VAT1L: variants seen among roughly 807,000 people sequenced by gnomAD.
The protein encoded by VAT1L is putative NADPH-dependent quinone oxidoreductase VAT1L.
A neutral mutation model predicts 44.1 loss-of-function variants in VAT1L; 34 were observed. That is an observed-to-expected ratio of 0.77 (90% CI 0.59 to 1.03). The LOEUF is 1.03. Ranked by LOEUF, VAT1L falls within the 50% of genes least tolerant of loss-of-function variation. The pLI, the probability that VAT1L is intolerant of heterozygous loss-of-function variation, is 0.00. For synonymous variants in VAT1L, 253 were observed against 202.2 expected, an observed-to-expected ratio of 1.25 and a Z score of -2.13; for missense variants, 615 against 538.8, an observed-to-expected ratio of 1.14 and a Z score of -1.40.
At chr16:77,854,418 A>G (rs2142436083) in intron 3 of VAT1L, among the ~76,000 whole-genome samples, 1 of 152,326 alleles carries the variant, frequency 6.6e-6, no homozygotes, top group Middle Eastern at 3.4e-3. Flanking sequence ...ATCAGCCCAC[A>G]CAGTGGAGTT....
chr16:77,822,013 G>A (rs185718781), intron 2 of VAT1L, among the ~76,000 whole-genome samples: 1 of 152,364 alleles, frequency 6.6e-6, no homozygotes, highest in Admixed American at 6.5e-5. Flanking sequence ...ATGCCCATAA[G>A]GGAGACACAG....
At chr16:77,870,058 T>G (rs940755621) in intron 4 of VAT1L, among the ~76,000 whole-genome samples, 7 of 152,198 alleles carry the variant, frequency 4.6e-5, no homozygotes, top group African/African-American at 1.7e-4. Flanking sequence ...GGAGGTAGTA[T>G]TGCGAAGTAC....
chr16:77,941,391 A>T (rs2017881733), intron 7 of VAT1L, among the ~76,000 whole-genome samples: 1 of 152,216 alleles, frequency 6.6e-6, no homozygotes, highest in African/African-American at 2.4e-5. Context: ...TTGTATCAGC[A>T]GTTGCTCACT....
intron 3 of VAT1L, among the ~76,000 whole-genome samples, chr16:77,846,721 T>C (rs912565047): frequency 6.6e-6 from 1 of 152,252 alleles, no homozygotes; most frequent in Non-Finnish European, 1.5e-5. Context: ...AAAGGAATTA[T>C]GGTATATCTA....
At chr16:77,958,493 G>C (rs1358389913) in intron 7 of VAT1L, among the ~76,000 whole-genome samples, 2 of 152,184 alleles carry the variant, frequency 1.3e-5, no homozygotes, top group Admixed American at 1.3e-4. Flanking sequence ...CATCCCCTGA[G>C]TGTCCACTTC....
chr16:77,963,878 C>G (rs1292939737), intron 7 of VAT1L, among the ~76,000 whole-genome samples: 1 of 152,180 alleles, frequency 6.6e-6, no homozygotes, highest in East Asian at 1.9e-4. Context: ...AGCTGTCTCA[C>G]TAGCAAAGAG....
In VAT1L at chr16:77,879,377, G is replaced by A. The variant is rs1279199628; in HGVS notation, c.882+153G>A. ...ACGATCTCGGCTCATGGCAACCTCC[G>A]ACTCCCTGGTTCAAGCGATTCTCCT... On this transcript the variant is annotated intron_variant, in intron 6 of 8. Transcript: ENST00000302536. The surrounding 1 kb of genome is among the most constrained non-coding windows in gnomAD (Gnocchi z 4.1). Among the ~76,000 whole-genome samples the A allele has an allele frequency of 1.3e-5, 2 of 152,154 alleles. No individual in the cohort carries two copies. The highest frequency in any genetic ancestry group is 4.8e-5 in the African/African-American group (2 of 41,440).
rs546699720 is a variant in VAT1L at position 77,884,555 on chromosome 16, A to G, written c.883-53A>G. Reference sequence around the variant, plus strand: ...ATGACATCAGCAATGCTGCCAATGTAGGCTTAACCCCGGTATTGAGTTCCT... The same window carrying G: ...ATGACATCAGCAATGCTGCCAATGTGGGCTTAACCCCGGTATTGAGTTCCT... On this transcript the variant is annotated intron_variant, in intron 6 of 8. Coordinates refer to ENST00000302536, the MANE Select transcript of VAT1L (RefSeq NM_020927.3). This position sits in a 1 kb window ranked among gnomAD's most constrained non-coding sequence, Gnocchi z 4.5. 8 of 1,560,192 alleles carry G rather than the reference A, an allele frequency of 5.1e-6. No individual in the cohort carries two copies. The highest frequency in any genetic ancestry group is 7.0e-6 in the Non-Finnish European group (8 of 1,149,332).
chr16:77,946,116 T>C (rs1283691790), intron 7 of VAT1L, among the ~76,000 whole-genome samples: 2 of 151,554 alleles, frequency 1.3e-5, no homozygotes, highest in East Asian at 3.9e-4. Flanking sequence ...TGCCGTTTTT[T>C]AGACATTATC....
intron 3 of VAT1L, among the ~76,000 whole-genome samples, chr16:77,847,978 T>A (rs2016773654): frequency 1.3e-5 from 2 of 152,124 alleles, no homozygotes; most frequent in South Asian, 4.1e-4. Context: ...CAGGCCACCG[T>A]CCCCTGGACG....
At chr16:77,964,648 G>A (rs1329451322) in intron 7 of VAT1L, among the ~76,000 whole-genome samples, 1 of 152,156 alleles carries the variant, frequency 6.6e-6, no homozygotes, top group Non-Finnish European at 1.5e-5. Context: ...GGAGATTAGG[G>A]AATGGATGGG....
Position 77,936,529 on chromosome 16 carries a change from G to A in VAT1L, c.1078-35321G>A, listed in dbSNP as rs531784802. Among the ~76,000 whole-genome samples the A allele has an allele frequency of 2.6e-5, 4 of 152,256 alleles. No individual in the cohort carries two copies. In the East Asian group the frequency reaches 7.7e-4, roughly 29 times the overall value. On this transcript the variant is annotated intron_variant, in intron 7 of 8. Transcript: ENST00000302536. ...GATGAGGTCCTTGTCACATGGCCAC[G>A]AAAATGTAGGCTTGCAGACGATTCG...
chr16:77,883,659 C>T (rs983235081), intron 6 of VAT1L, among the ~76,000 whole-genome samples: 4 of 152,184 alleles, frequency 2.6e-5, no homozygotes, highest in Non-Finnish European at 5.9e-5. Context: ...CAAACAATAT[C>T]AAATGCCTTC....
At chr16:77,858,732 G>A (rs1483978572) in intron 3 of VAT1L, among the ~76,000 whole-genome samples, 1 of 152,168 alleles carries the variant, frequency 6.6e-6, no homozygotes, top group Non-Finnish European at 1.5e-5. Flanking sequence ...GCTGGGCACA[G>A]TGGCTCATGC....
At chr16:77,971,469 G>A (rs1271514959) in intron 7 of VAT1L, among the ~76,000 whole-genome samples, 1 of 152,116 alleles carries the variant, frequency 6.6e-6, no homozygotes, top group East Asian at 1.9e-4. Flanking sequence ...ATTGAAGTAA[G>A]CAGGGCACAA....
intron 1 of VAT1L, among the ~76,000 whole-genome samples, chr16:77,799,348 A>C: frequency 1.4e-5 from 2 of 141,884 alleles, no homozygotes; most frequent in African/African-American, 5.3e-5. Flanking sequence ...CACTTTCTCC[A>C]TCTCTTTTCC....
chr16:77,936,155 G>A (rs1450798830), intron 7 of VAT1L, among the ~76,000 whole-genome samples: 1 of 152,156 alleles, frequency 6.6e-6, no homozygotes, highest in Non-Finnish European at 1.5e-5. Flanking sequence ...GGAAAGACCT[G>A]GTAGGTACAG....
intron 1 of VAT1L, among the ~76,000 whole-genome samples, chr16:77,812,059 C>T (rs1241406316): frequency 6.7e-6 from 1 of 150,116 alleles, no homozygotes; most frequent in African/African-American, 2.4e-5. Flanking sequence ...TTCACTGTTT[C>T]CTTTCAGCCT....
intron 1 of VAT1L, among the ~76,000 whole-genome samples, chr16:77,811,970 C>T (rs956469324): frequency 4.6e-5 from 7 of 152,166 alleles, no homozygotes; most frequent in Middle Eastern, 3.2e-3. Context: ...CTGGGGAAGG[C>T]TTCAGAGACT....
Sources: allele counts gnomAD v4.1 joint callset (sites outside exome capture counted in the v4.1 genomes callset), GRCh38; gene constraint gnomAD v4.1.1; non-coding constraint Gnocchi (gnomAD v3.1); transcripts MANE v1.5; gene names NCBI Gene and HGNC (gene_info 2026-07-23, HGNC 2026-07-21).